SULF1: variants seen among roughly 807,000 people sequenced by gnomAD.
SULF1 encodes the protein extracellular sulfatase Sulf-1.
In SULF1, 46 loss-of-function variants were observed where a neutral mutation model predicts 110.5. The ratio of observed to expected loss-of-function variants is 0.42; its 90% CI spans 0.33 to 0.53. The LOEUF is 0.53. SULF1 is among the 20% of genes least tolerant of loss of function. The probability of loss-of-function intolerance (pLI) is 0.12; values close to 1 mark genes in which losing one functional copy is unlikely to be tolerated. For missense variants in SULF1, 941 were observed against 1,094.2 expected, an observed-to-expected ratio of 0.86 and a Z score of 1.98; for synonymous variants, 371 against 387.1, an observed-to-expected ratio of 0.96 and a Z score of 0.49.
At chr8:69,511,851 T>G (rs1811586709) in intron 3 of SULF1, among the ~76,000 whole-genome samples, 1 of 152,204 alleles carries the variant, frequency 6.6e-6, no homozygotes, top group Non-Finnish European at 1.5e-5. Context: ...ATTCGATGAC[T>G]TTTTTACAGC....
chr8:69,522,093 C>T (rs1223880244), intron 3 of SULF1, among the ~76,000 whole-genome samples: 3 of 151,840 alleles, frequency 2.0e-5, no homozygotes, highest in Admixed American at 6.6e-5. Context: ...CTCTGTTGCC[C>T]AGGCTGGAGT....
In SULF1 at chr8:69,628,215, A is replaced by G. The variant is rs748839942; in HGVS notation, c.2087A>G (p.Lys696Arg). The G allele has an allele frequency of 4.3e-6, 7 of 1,613,958 alleles. No individual in the cohort carries two copies. The highest frequency in any genetic ancestry group is 5.9e-6 in the Non-Finnish European group (7 of 1,179,898). Reference sequence around the variant, plus strand: ...GGTGTAAAAAAGCAAGAGAAATTAAAGAGCCATCTTCACCCATTCAAGTAA... The same window carrying G: ...GGTGTAAAAAAGCAAGAGAAATTAAGGAGCCATCTTCACCCATTCAAGTAA... ...EKGVKKQEKL[K>R]SHLHPFKEAA... Residue 696 changes from lysine to arginine, a missense_variant, in exon 18 of 23, where the codon AAG becomes AGG. Lys to Arg is a conservative substitution (Grantham distance 26, BLOSUM62 2). This residue lies in a region of SULF1 where 822 missense variants were observed against 934.3 expected (regional missense o/e 0.88). Coordinates refer to ENST00000402687, the MANE Select transcript of SULF1 (RefSeq NM_001128205.2).
At chr8:69,592,778 A>G (rs1807004765) in intron 8 of SULF1, 1 of 264,788 alleles carries the variant, frequency 3.8e-6, no homozygotes, top group Non-Finnish European at 5.9e-6. Context: ...CAAAAGGGCA[A>G]TTTCATGTGG....
At chr8:69,646,078 C>T (rs747115294) in intron 22 of SULF1, among the ~76,000 whole-genome samples, 2 of 152,050 alleles carry the variant, frequency 1.3e-5, no homozygotes, top group African/African-American at 2.4e-5. Flanking sequence ...CAAACTGGGA[C>T]CCTCCCAGGC....
intron 1 of SULF1, among the ~76,000 whole-genome samples, chr8:69,468,486 A>G (rs1179437161): frequency 1.3e-5 from 2 of 152,120 alleles, no homozygotes; most frequent in African/African-American, 4.8e-5. Context: ...CTCCAGTTAT[A>G]CTCTCAAACT....
intron 5 of SULF1, among the ~76,000 whole-genome samples, chr8:69,572,771 T>G (rs1805323907): frequency 6.6e-6 from 1 of 152,202 alleles, no homozygotes; most frequent in Non-Finnish European, 1.5e-5. Context: ...TTTTTTAAAG[T>G]TGGACAAGCA....
chr8:69,590,092 G>A (rs115408968), intron 8 of SULF1, among the ~76,000 whole-genome samples: 2,101 of 152,264 alleles, frequency 0.014, 49 homozygotes, highest in African/African-American at 0.046. Flanking sequence ...AGAACCTTAC[G>A]AAAATAGGTA....
At chr8:69,636,933 G>A (rs1350448202) in intron 19 of SULF1, among the ~76,000 whole-genome samples, 1 of 152,166 alleles carries the variant, frequency 6.6e-6, no homozygotes, top group Non-Finnish European at 1.5e-5. Context: ...AAGAGTGACC[G>A]TGACCTTTTT....
chr8:69,523,102 A>C (rs1313350517), intron 3 of SULF1, among the ~76,000 whole-genome samples: 1 of 152,228 alleles, frequency 6.6e-6, no homozygotes, highest in Admixed American at 6.5e-5. Context: ...TGGGTAAAAA[A>C]GAAGAGTATT....
chr8:69,629,957 C>A (rs1480419334), intron 19 of SULF1, among the ~76,000 whole-genome samples: 1 of 152,202 alleles, frequency 6.6e-6, no homozygotes, highest in Non-Finnish European at 1.5e-5. Flanking sequence ...ACAGTTTTTA[C>A]CCAGTAGAAC....
At chr8:69,612,703 G>A (rs1808758344) in intron 13 of SULF1, among the ~76,000 whole-genome samples, 1 of 151,910 alleles carries the variant, frequency 6.6e-6, no homozygotes. Flanking sequence ...AGAATTATTG[G>A]CTTTTTTCTT....
At chr8:69,561,216 A>G (rs1815461959) in intron 3 of SULF1, among the ~76,000 whole-genome samples, 1 of 152,228 alleles carries the variant, frequency 6.6e-6, no homozygotes. Context: ...CACATATATC[A>G]AAACATCAAA....
chr8:69,518,595 C>T (rs1812089041), intron 3 of SULF1, among the ~76,000 whole-genome samples: 1 of 152,036 alleles, frequency 6.6e-6, no homozygotes, highest in African/African-American at 2.4e-5. Context: ...TTAAGTTGTG[C>T]TAGGTCAGAT....
chr8:69,519,884 G>A (rs1812173600), intron 3 of SULF1, among the ~76,000 whole-genome samples: 2 of 152,118 alleles, frequency 1.3e-5, no homozygotes, highest in African/African-American at 4.8e-5. Flanking sequence ...CAGTCAGACT[G>A]CTGTAAACTA....
chr8:69,544,573 A>G (rs1473383504), intron 3 of SULF1, among the ~76,000 whole-genome samples: 1 of 152,174 alleles, frequency 6.6e-6, no homozygotes, highest in East Asian at 1.9e-4. Flanking sequence ...GGCCCAACAA[A>G]TCACTTTTTA....
chr8:69,618,854 C>T (rs1347934412), intron 13 of SULF1, among the ~76,000 whole-genome samples: 1 of 152,170 alleles, frequency 6.6e-6, no homozygotes, highest in Non-Finnish European at 1.5e-5. Context: ...AGAAAGCAAA[C>T]CATGGCTCTG....
At chr8:69,612,214 G>T (rs1237920739) in intron 13 of SULF1, among the ~76,000 whole-genome samples, 1 of 152,098 alleles carries the variant, frequency 6.6e-6, no homozygotes, top group Admixed American at 6.6e-5. Context: ...GTGTTCCATG[G>T]TGTATATATA....
At chr8:69,501,812 A>C (rs143582900) in intron 2 of SULF1, 62 bp from the exon 3 acceptor site, 1 of 152,348 alleles carries the variant, frequency 6.6e-6, no homozygotes, top group Non-Finnish European at 1.5e-5. Context: ...GCAACATCTG[A>C]AAGATGAGAG....
At chr8:69,621,329 T>C in intron 14 of SULF1, 78 bp downstream of exon 14, 2 of 1,024,580 alleles carry the variant, frequency 2.0e-6, no homozygotes, top group Non-Finnish European at 2.8e-6. Flanking sequence ...AAAGGGTTGC[T>C]CCTTCTACAT....
Sources: allele counts gnomAD v4.1 joint callset (sites outside exome capture counted in the v4.1 genomes callset), GRCh38; gene constraint gnomAD v4.1.1; regional missense constraint gnomAD v4.1.1; transcripts MANE v1.5; gene names NCBI Gene and HGNC (gene_info 2026-07-23, HGNC 2026-07-21).